Variants in ZC2HC1B observed in about 807,000 individuals in gnomAD.
ZC2HC1B encodes the protein zinc finger C2HC domain-containing protein 1B.
ZC2HC1B carries 36 observed loss-of-function variants against 31.0 expected under a neutral mutation model. The observed-to-expected ratio is 1.16, with a 90% CI of 0.89 to 1.54. The LOEUF (loss-of-function observed/expected upper bound fraction) is 1.54, where lower values mean the gene tolerates loss of function less well. ZC2HC1B is among the 40% of genes most tolerant of loss of function. ZC2HC1B has a pLI of 0.00. For missense variants in ZC2HC1B, 260 were observed against 268.6 expected (o/e 0.97, Z 0.22); for synonymous variants, 73 against 88.0 (o/e 0.83, Z 0.95).
intron 4 of ZC2HC1B, among the ~76,000 whole-genome samples, chr6:143,889,222 T>G (rs1183259306): frequency 6.6e-6 from 1 of 151,930 alleles, no homozygotes; most frequent in African/African-American, 2.4e-5. Context: ...AATATTGCTA[T>G]TTAGCTAATA....
chr6:143,927,035 T>C (rs893472166), intron 6 of ZC2HC1B, among the ~76,000 whole-genome samples: 2 of 149,386 alleles, frequency 1.3e-5, no homozygotes, highest in African/African-American at 5.0e-5. Context: ...CCTGACCTCA[T>C]GATCCACCCG....
At chr6:143,910,178 A>G (rs1777841646) in intron 6 of ZC2HC1B, among the ~76,000 whole-genome samples, 1 of 152,126 alleles carries the variant, frequency 6.6e-6, no homozygotes, top group Admixed American at 6.5e-5. Flanking sequence ...GTCATTCAGG[A>G]GCAGGTTCCA....
In ZC2HC1B at chr6:143,933,291, T is replaced by G. The variant is rs1337224477; in HGVS notation, c.599-4358T>G. 6.6e-6 allele frequency among the ~76,000 whole-genome samples: 1 copy of G among 152,096 alleles called. No individual in the cohort carries two copies. Among genetic ancestry groups the G allele is most frequent in the Non-Finnish European group, 1.5e-5 (1 of 68,026 alleles). On this transcript the variant is annotated intron_variant, in intron 6 of 7. Transcript: ENST00000237275. This position sits in a 1 kb window ranked among gnomAD's most constrained non-coding sequence, Gnocchi z 6.4. The stretch of plus-strand genomic sequence containing the variant: ...TAACCTTGAGCCAGGAGGTGGTGCT[T>G]TTGAGAGTGCGCCAGCCAGCTGCAA...
chr6:143,912,956 C>A (rs1304026643), intron 6 of ZC2HC1B, among the ~76,000 whole-genome samples: 1 of 152,190 alleles, frequency 6.6e-6, no homozygotes, highest in African/African-American at 2.4e-5. Flanking sequence ...ACTGGGAGTA[C>A]CTGCCCCAGG....
chr6:143,931,351 A>T (rs974302438), intron 6 of ZC2HC1B, among the ~76,000 whole-genome samples: 1 of 152,070 alleles, frequency 6.6e-6, no homozygotes, highest in Non-Finnish European at 1.5e-5. Context: ...TTCATGCTAG[A>T]TGTTGCCCAA....
chr6:143,875,549 C>G (rs1415749428), intron 1 of ZC2HC1B, among the ~76,000 whole-genome samples: 1 of 150,864 alleles, frequency 6.6e-6, no homozygotes, highest in Admixed American at 6.6e-5. Flanking sequence ...CGATCCAACT[C>G]TATGTTCCTT....
chr6:143,927,511 T>C (rs1056197045), intron 6 of ZC2HC1B, among the ~76,000 whole-genome samples: 10 of 152,224 alleles, frequency 6.6e-5, no homozygotes, highest in African/African-American at 2.4e-4. Flanking sequence ...TAGTATTCCA[T>C]ATATATATTT....
chr6:143,864,521 G>T lies in ZC2HC1B; in HGVS notation c.-19G>T. On this transcript the variant is annotated 5_prime_UTR_variant, in exon 1 of 8. Transcript: ENST00000237275. ...GCTGTAAAAATCTGTGAACACTGTT[G>T]CTCTGAGTTAGGAACAGAATGGCTG... is the stretch of plus-strand genomic sequence containing the variant. The T allele has an allele frequency of 6.4e-7, 1 of 1,551,572 alleles. No homozygotes were observed. Among genetic ancestry groups the T allele is most frequent in the Non-Finnish European group, 8.7e-7 (1 of 1,146,892 alleles).
At chr6:143,894,207 A>G (rs1218844450) in intron 4 of ZC2HC1B, among the ~76,000 whole-genome samples, 1 of 152,224 alleles carries the variant, frequency 6.6e-6, no homozygotes, top group Non-Finnish European at 1.5e-5. Context: ...CTAGTACTCA[A>G]CTATAAGGAG....
At chr6:143,910,368 A>C (rs1283091392) in intron 6 of ZC2HC1B, among the ~76,000 whole-genome samples, 1 of 151,990 alleles carries the variant, frequency 6.6e-6, no homozygotes, top group East Asian at 1.9e-4. Context: ...TTTGTTGAGG[A>C]GTGTTTTACT....
chr6:143,896,623 A>G (rs1050773567), intron 4 of ZC2HC1B, among the ~76,000 whole-genome samples: 4 of 152,098 alleles, frequency 2.6e-5, no homozygotes, highest in Non-Finnish European at 4.4e-5. Flanking sequence ...AGTATGTTCC[A>G]CCCCGCCCAC....
chr6:143,911,623 C>G lies in ZC2HC1B; in HGVS notation c.598+8471C>G, dbSNP rs1042074447. 2.0e-5 allele frequency among the ~76,000 whole-genome samples: 3 copies of G among 152,172 alleles called. No homozygotes were observed. Among genetic ancestry groups the G allele is most frequent in the Non-Finnish European group, 4.4e-5 (3 of 68,038 alleles). On this transcript the variant is annotated intron_variant, in intron 6 of 7. Coordinates refer to ENST00000237275, the MANE Select transcript of ZC2HC1B (RefSeq NM_001013623.3). This position sits in a 1 kb window ranked among gnomAD's most constrained non-coding sequence, Gnocchi z 4.5. ...CAGTCTCTTCTACCTTCTAGGGTTT[C>G]CACTGAGAGGTCTACTGTTAGTCTG...
At chr6:143,920,342 C>T (rs770183181) in intron 6 of ZC2HC1B, among the ~76,000 whole-genome samples, 19 of 152,086 alleles carry the variant, frequency 1.2e-4, no homozygotes, top group South Asian at 2.1e-4. Flanking sequence ...ATGTCAGTTA[C>T]GGTGTTGAAA....
chr6:143,932,046 A>C (rs530853334), intron 6 of ZC2HC1B, among the ~76,000 whole-genome samples: 1 of 151,754 alleles, frequency 6.6e-6, no homozygotes, highest in South Asian at 2.1e-4. Context: ...GCTAATTTTT[A>C]GTATTTTTAG....
At chr6:143,926,503 T>A (rs1025530996) in intron 6 of ZC2HC1B, among the ~76,000 whole-genome samples, 8 of 152,054 alleles carry the variant, frequency 5.3e-5, no homozygotes, top group South Asian at 2.1e-4. Context: ...ATTTTTTTTT[T>A]AAATTTAGAC....
At chr6:143,914,167 A>G (rs1312595160) in intron 6 of ZC2HC1B, among the ~76,000 whole-genome samples, 1 of 152,018 alleles carries the variant, frequency 6.6e-6, no homozygotes, top group Non-Finnish European at 1.5e-5. Context: ...TTAATTTGCA[A>G]AATTGGATTG....
intron 5 of ZC2HC1B, among the ~76,000 whole-genome samples, chr6:143,902,021 C>A (rs1439553729): frequency 6.6e-6 from 1 of 152,174 alleles, no homozygotes; most frequent in African/African-American, 2.4e-5. Flanking sequence ...CTGAAGAAGG[C>A]CAGCTGGCTG....
chr6:143,930,185 A>C (rs1400328793), intron 6 of ZC2HC1B, among the ~76,000 whole-genome samples: 1 of 151,632 alleles, frequency 6.6e-6, no homozygotes, highest in Non-Finnish European at 1.5e-5. Context: ...TTATGATGTT[A>C]ATTCAGGATC....
chr6:143,916,905 C>T (rs1051113595), intron 6 of ZC2HC1B, among the ~76,000 whole-genome samples: 24 of 152,204 alleles, frequency 1.6e-4, no homozygotes, highest in Middle Eastern at 3.4e-3. Context: ...TGGACTTTTG[C>T]GTTAATGCTG....
Sources: allele counts gnomAD v4.1 joint callset (sites outside exome capture counted in the v4.1 genomes callset), GRCh38; gene constraint gnomAD v4.1.1; non-coding constraint Gnocchi (gnomAD v3.1); transcripts MANE v1.5; gene names NCBI Gene and HGNC (gene_info 2026-07-23, HGNC 2026-07-21).